Variants in RAD51B observed in about 807,000 individuals in gnomAD.
The protein encoded by RAD51B is RAD51 paralog B.
A neutral mutation model predicts 42.2 loss-of-function variants in RAD51B; 38 were observed. That is an observed-to-expected ratio of 0.90 (90% confidence interval 0.70 to 1.18). The LOEUF (loss-of-function observed/expected upper bound fraction) is 1.18. RAD51B is among the 50% of genes most tolerant of loss of function. The pLI, the probability that RAD51B is intolerant of heterozygous loss-of-function variation, is 0.00. For synonymous variants in RAD51B, 154 were observed against 145.2 expected (o/e 1.06, Z -0.43); for missense variants, 373 against 400.7 (o/e 0.93, Z 0.59).
intron 8 of RAD51B, among the ~76,000 whole-genome samples, chr14:68,361,846 T>C (rs2083032430): frequency 6.6e-6 from 1 of 152,122 alleles, no homozygotes; most frequent in Admixed American, 6.6e-5. Context: ...CAGCTAATTT[T>C]TGTATTTTTA....
chr14:67,865,240 C>CTT, intron 5 of RAD51B, 101 bp downstream of exon 5: 2 of 1,135,366 alleles, frequency 1.8e-6, no homozygotes. Flanking sequence ...CTCCCCCTTG[C>CTT]CTTTTTTTTT....
At chr14:68,422,463 A>C (rs1356149624) in intron 9 of RAD51B, among the ~76,000 whole-genome samples, 1 of 150,086 alleles carries the variant, frequency 6.7e-6, no homozygotes, top group Non-Finnish European at 1.5e-5. Flanking sequence ...TGGGAGGCTG[A>C]GGCAGGGAAT....
At chr14:67,904,892 G>T (rs2043732279) in intron 7 of RAD51B, among the ~76,000 whole-genome samples, 1 of 142,786 alleles carries the variant, frequency 7.0e-6, no homozygotes, top group Admixed American at 6.9e-5. Context: ...AGTTTCTTTT[G>T]TTGTAACAGA....
intron 10 of RAD51B, among the ~76,000 whole-genome samples, chr14:68,566,406 C>T (rs966617874): frequency 3.9e-5 from 6 of 152,206 alleles, no homozygotes; most frequent in Admixed American, 2.0e-4. Flanking sequence ...AGAAGAACAA[C>T]GTCAAGGCCA....
intron 8 of RAD51B, among the ~76,000 whole-genome samples, chr14:68,379,807 C>G (rs910496188): frequency 6.6e-6 from 1 of 152,196 alleles, no homozygotes; most frequent in African/African-American, 2.4e-5. Context: ...ATCAAGGCAA[C>G]TGTTGCTGGG....
intron 10 of RAD51B, among the ~76,000 whole-genome samples, chr14:68,511,378 G>T (rs536436777): frequency 1.3e-5 from 2 of 152,266 alleles, no homozygotes; most frequent in East Asian, 3.9e-4. Flanking sequence ...CCTCAGAGAT[G>T]ATTTCTCACT....
chr14:68,311,689 C>G (rs1345565281), intron 8 of RAD51B, among the ~76,000 whole-genome samples: 2 of 152,108 alleles, frequency 1.3e-5, no homozygotes, highest in Admixed American at 6.5e-5. Context: ...AAGTTCAAGA[C>G]CAGCCTGGCC....
At chr14:68,312,264 C>T (rs12437046) in intron 8 of RAD51B, among the ~76,000 whole-genome samples, 20,580 of 152,178 alleles carry the variant, frequency 0.14, 1,879 homozygotes, top group African/African-American at 0.26. Context: ...ATCGCAGTTC[C>T]CTAGAGTCTC....
chr14:68,121,519 A>C (rs1052160956), intron 7 of RAD51B, among the ~76,000 whole-genome samples: 1 of 152,160 alleles, frequency 6.6e-6, no homozygotes, highest in Non-Finnish European at 1.5e-5. Context: ...TAACCTAAAA[A>C]CGAAAAAGTC....
chr14:68,320,269 C>G (rs931481529), intron 8 of RAD51B, among the ~76,000 whole-genome samples: 1 of 152,198 alleles, frequency 6.6e-6, no homozygotes, highest in Admixed American at 6.5e-5. Context: ...AATCTGGGCA[C>G]TAGAAGATGT....
At chr14:68,361,793 A>G (rs2139913905) in intron 8 of RAD51B, among the ~76,000 whole-genome samples, 1 of 152,252 alleles carries the variant, frequency 6.6e-6, no homozygotes, top group East Asian at 1.9e-4. Flanking sequence ...CTTCTGCCTC[A>G]GCCTCCCGAG....
intron 7 of RAD51B, among the ~76,000 whole-genome samples, chr14:67,923,296 T>C (rs973553807): frequency 7.3e-6 from 1 of 137,116 alleles, no homozygotes; most frequent in East Asian, 2.0e-4. Context: ...CTTTTTCTTT[T>C]TCTTTTTTTT....
chr14:68,595,571 A>G, exon 11 of RAD51B: 1 of 1,066,664 alleles, frequency 9.4e-7, no homozygotes, highest in Non-Finnish European at 1.1e-6. Flanking sequence ...AGGAAGGACT[A>G]AGTGACTTAT....
intron 9 of RAD51B, among the ~76,000 whole-genome samples, chr14:68,438,424 G>A (rs527340175): frequency 4.6e-5 from 7 of 152,262 alleles, no homozygotes; most frequent in South Asian, 4.1e-4. Context: ...AGGAGAAAAA[G>A]GAGGCCTGGG....
intron 10 of RAD51B, among the ~76,000 whole-genome samples, chr14:68,476,740 G>A (rs1475578827): frequency 6.6e-6 from 1 of 152,190 alleles, no homozygotes; most frequent in Non-Finnish European, 1.5e-5. Flanking sequence ...CATGAGAACT[G>A]ACAAACAGTG....
At chr14:68,674,918 G>T (rs1371275766) in intron 11 of RAD51B, among the ~76,000 whole-genome samples, 1 of 152,172 alleles carries the variant, frequency 6.6e-6, no homozygotes, top group Non-Finnish European at 1.5e-5. Flanking sequence ...CAGCCTTGGG[G>T]GTCCATGCTA....
At chr14:68,065,074 G>A (rs567304864) in intron 7 of RAD51B, among the ~76,000 whole-genome samples, 1 of 152,228 alleles carries the variant, frequency 6.6e-6, no homozygotes, top group Admixed American at 6.5e-5. Flanking sequence ...GCATCTGGTG[G>A]AACAGTTGCC....
chr14:68,600,969 G>A (rs1216950138), downstream of RAD51B, among the ~76,000 whole-genome samples: 1 of 148,884 alleles, frequency 6.7e-6, no homozygotes, highest in Admixed American at 6.7e-5. Flanking sequence ...CTTGTGTGTG[G>A]GTACCCGTGA....
chr14:67,939,983 AT>A (rs1316688286), intron 7 of RAD51B, among the ~76,000 whole-genome samples: 1 of 138,374 alleles, frequency 7.2e-6, no homozygotes, highest in African/African-American at 2.7e-5. Context: ...ATATAAAAAA[AT>A]AAAAAGTATA....
Sources: gnomAD v4.1 joint callset for allele counts (sites outside exome capture counted in the v4.1 genomes callset) on GRCh38, gnomAD v4.1.1 for gene constraint, MANE v1.5 for transcripts, NCBI Gene and HGNC (gene_info 2026-07-23, HGNC 2026-07-21) for gene names.